Variants in WNK1 observed in about 807,000 individuals in gnomAD.
WNK1 encodes serine/threonine-protein kinase WNK1.
WNK1 carries 38 observed loss-of-function variants against 222.8 expected under a neutral mutation model. The observed-to-expected ratio is 0.17, with a 90% confidence interval of 0.13 to 0.22. The LOEUF (loss-of-function observed/expected upper bound fraction) is 0.22. Ranked by LOEUF, WNK1 falls within the 10% of genes least tolerant of loss-of-function variation. The pLI, the probability that WNK1 is intolerant of heterozygous loss-of-function variation, is 1.00. For synonymous variants in WNK1, 1,090 were observed against 1,092.9 expected, an observed-to-expected ratio of 1.00 and a Z score of 0.05; for missense variants, 2,348 against 2,918.4, an observed-to-expected ratio of 0.80 and a Z score of 4.50.
chr12:898,698 TG>T (rs1437565655), intron 25 of WNK1, among the ~76,000 whole-genome samples: 2 of 152,034 alleles, frequency 1.3e-5, no homozygotes, highest in East Asian at 3.9e-4. Context: ...CTTAGCTTCC[TG>T]GGTAGCTGGG....
chr12:826,464 G>C (rs893563012), intron 2 of WNK1, among the ~76,000 whole-genome samples: 1 of 152,144 alleles, frequency 6.6e-6, no homozygotes, highest in Non-Finnish European at 1.5e-5. Flanking sequence ...GTATTATAAA[G>C]AAGGAAACTC....
Position 769,251 on chromosome 12 carries a change from TGCAGTG to T in WNK1, c.759+14931_759+14936del, listed in dbSNP as rs1273228165. Reference sequence around the variant, plus strand: ...TCTCACTCTGTTACCCAGGCTGGAGTGCAGTGGCACCATCTCTGCTCACTGCAACCT... The same window carrying T: ...TCTCACTCTGTTACCCAGGCTGGAGTGCACCATCTCTGCTCACTGCAACCT... On this transcript the variant is annotated intron_variant, in intron 1 of 27. Transcript: ENST00000315939. Among the ~76,000 whole-genome samples the T allele has an allele frequency of 4.6e-5, 7 of 152,124 alleles. No individual in the cohort carries two copies. In the East Asian group the frequency reaches 1.2e-3, roughly 25 times the overall value.
intron 19 of WNK1, among the ~76,000 whole-genome samples, chr12:886,600 T>C (rs992087881): frequency 1.3e-5 from 2 of 152,206 alleles, no homozygotes; most frequent in African/African-American, 4.8e-5. Context: ...AAATTTATTA[T>C]CTAATTATGC....
At position 753,545 on chromosome 12, in the gene WNK1, C is replaced by A. The variant is rs1565374236; in HGVS notation, c.-21C>A. 6.2e-7 allele frequency: 1 copy of A among 1,611,716 alleles called. No homozygotes were observed. The highest frequency in any genetic ancestry group is 1.7e-5 in the Admixed American group (1 of 60,018). On this transcript the variant is annotated 5_prime_UTR_variant, in exon 1 of 28. Transcript: ENST00000315939. The surrounding 1 kb of genome is among the most constrained non-coding windows in gnomAD (Gnocchi z 5.2). ...TCGTTCACGAATCCGAGCCCGCTCG[C>A]CTCTCTCCAGCGAACCGACCATGTC...
chr12:848,496 CT>C (rs10644583), intron 4 of WNK1, among the ~76,000 whole-genome samples: 98 of 99,256 alleles, frequency 9.9e-4, no homozygotes, highest in Middle Eastern at 7.9e-3. Context: ...CCAGTAAAAA[CT>C]TTTTTTTTTT....
chr12:848,132 A>G (rs552093306), intron 4 of WNK1, among the ~76,000 whole-genome samples: 1 of 152,318 alleles, frequency 6.6e-6, no homozygotes, highest in East Asian at 1.9e-4. Context: ...TAACTTTGAC[A>G]TAGAATTAAC....
chr12:887,638 A>G (rs140974343), intron 20 of WNK1, among the ~76,000 whole-genome samples: 12 of 152,318 alleles, frequency 7.9e-5, no homozygotes, highest in Non-Finnish European at 1.5e-4. Flanking sequence ...GAAATTGCGT[A>G]TATAATCAAA....
intron 1 of WNK1, among the ~76,000 whole-genome samples, chr12:783,463 G>C (rs1943934187): frequency 6.7e-6 from 1 of 149,112 alleles, no homozygotes; most frequent in Non-Finnish European, 1.5e-5. Context: ...GACCAGGCTA[G>C]GCAACAAACC....
intron 1 of WNK1, among the ~76,000 whole-genome samples, chr12:799,045 A>G (rs571701692): frequency 8.6e-5 from 13 of 152,028 alleles, no homozygotes; most frequent in Non-Finnish European, 1.6e-4. Flanking sequence ...TCTTGTAACA[A>G]CCTTCCCCCC....
chr12:908,267 TACAC>T, intron 27 of WNK1: 1 of 746,742 alleles, frequency 1.3e-6, no homozygotes, highest in South Asian at 1.8e-5. Flanking sequence ...CATCCTCAAC[TACAC>T]ACACACAGAC....
chr12:879,513 CTTTTTTTTTTTTTT>C (rs10717495), intron 10 of WNK1, 46 bp from the exon 11 acceptor site: 1 of 403,028 alleles, frequency 2.5e-6, no homozygotes, highest in East Asian at 5.7e-5. Context: ...GGCAGCCTTG[CTTTTTTTTTTTTTT>C]TTTTTTTTTT....
chr12:884,547 C>G lies in WNK1; in HGVS notation c.3845-102C>G, dbSNP rs989983044. ...TTTAAGATTACTCCATATTTTTTATCAAAAACAGATATTTATAGGAGCTGA... is the reference window on the plus strand; with the variant it reads ...TTTAAGATTACTCCATATTTTTTATGAAAAACAGATATTTATAGGAGCTGA... On this transcript the variant is annotated intron_variant, in intron 18 of 27. Coordinates refer to ENST00000315939, the MANE Select transcript of WNK1 (RefSeq NM_018979.4). The surrounding 1 kb of genome is among the most constrained non-coding windows in gnomAD (Gnocchi z 5.6). 3.2e-6 allele frequency: 4 copies of G among 1,240,776 alleles called. No homozygotes were observed. The African/African-American group carries it at 6.0e-5, about 19-fold the overall frequency. 76.9% of individuals were successfully genotyped at this position (1,240,776 alleles called of 1,614,324 possible).
chr12:857,388 A>G (rs1443889758), intron 5 of WNK1, 139 bp downstream of exon 5: 1 of 849,140 alleles, frequency 1.2e-6, no homozygotes, highest in African/African-American at 1.7e-5. Flanking sequence ...TTTTAAAGGT[A>G]GGGTTTTGTT....
chr12:883,894 G>A, intron 17 of WNK1, 63 bp downstream of exon 17: 1 of 1,590,554 alleles, frequency 6.3e-7, no homozygotes, highest in Non-Finnish European at 8.6e-7. Context: ...CGAGGGTGGT[G>A]GCAGGCTTCT....
chr12:871,334 C>G lies in WNK1; in HGVS notation c.2209C>G (p.Gln737Glu), dbSNP rs1471922569. The G allele has an allele frequency of 1.2e-6, 2 of 1,614,120 alleles. No homozygotes were observed. Among genetic ancestry groups the G allele is most frequent in the South Asian group, 1.1e-5 (1 of 91,084 alleles). The change falls in exon 9 of 28, where the codon CAA (glutamine) becomes GAA (glutamate). Residue 737 changes from glutamine to glutamate, a missense_variant. Transcript: ENST00000315939. ...LTGVSSSQPIQHPQQQQGIQQ... is the reference protein window; with the variant it reads ...LTGVSSSQPIEHPQQQQGIQQ... ...AGGGGTTTCATCTTCCCAACCCATACAACATCCTCAGCAGGTGAGAACAAT... is the reference window on the plus strand; with the variant it reads ...AGGGGTTTCATCTTCCCAACCCATAGAACATCCTCAGCAGGTGAGAACAAT...
chr12:757,405 A>G (rs1273028558), intron 1 of WNK1, among the ~76,000 whole-genome samples: 2 of 138,310 alleles, frequency 1.4e-5, no homozygotes, highest in African/African-American at 5.3e-5. Flanking sequence ...AGCTCACTGC[A>G]ACCTCCGCCT....
intron 4 of WNK1, among the ~76,000 whole-genome samples, chr12:835,085 G>A (rs1029351162): frequency 4.6e-5 from 7 of 152,032 alleles, no homozygotes; most frequent in African/African-American, 1.7e-4. Flanking sequence ...TTGGGAAGCC[G>A]AGGTAGGCAG....
intron 1 of WNK1, among the ~76,000 whole-genome samples, chr12:772,826 G>C (rs1050297245): frequency 6.6e-6 from 1 of 152,142 alleles, no homozygotes; most frequent in South Asian, 2.1e-4. Flanking sequence ...TCTTTGTTCA[G>C]AGATTTGCAA....
At chr12:765,519 G>A (rs1345333670) in intron 1 of WNK1, among the ~76,000 whole-genome samples, 1 of 127,592 alleles carries the variant, frequency 7.8e-6, no homozygotes, top group Non-Finnish European at 1.8e-5. Context: ...TTGCACTTCA[G>A]CCTAGGTGAC....
Sources: allele counts gnomAD v4.1 joint callset (sites outside exome capture counted in the v4.1 genomes callset), GRCh38; gene constraint gnomAD v4.1.1; non-coding constraint Gnocchi (gnomAD v3.1); transcripts MANE v1.5; gene names NCBI Gene and HGNC (gene_info 2026-07-23, HGNC 2026-07-21).